The following ST3GAL5 variants were observed in gnomAD, a reference collection of about 807,000 sequenced individuals.
ST3GAL5 encodes the protein ST3 beta-galactoside alpha-2,3-sialyltransferase 5.
A neutral mutation model predicts 46.1 loss-of-function variants in ST3GAL5; 25 were observed. That is an observed-to-expected ratio of 0.54 (90% CI 0.40 to 0.76). The LOEUF (loss-of-function observed/expected upper bound fraction) is 0.76. ST3GAL5 is among the 30% of genes least tolerant of loss of function. The probability of loss-of-function intolerance (pLI) is 0.00; values close to 1 mark genes in which losing one functional copy is unlikely to be tolerated. For missense variants in ST3GAL5, 431 were observed against 521.2 expected (o/e 0.83, Z 1.69); for synonymous variants, 182 against 192.7 (o/e 0.94, Z 0.46).
chr2:85,867,001 ACT>A (rs1289524992), intron 1 of ST3GAL5, among the ~76,000 whole-genome samples: 1 of 152,156 alleles, frequency 6.6e-6, no homozygotes, highest in African/African-American at 2.4e-5. Context: ...TAAAGCATAA[ACT>A]CTATTGAAAC....
intron 1 of ST3GAL5, chr2:85,870,219 G>T (rs750687295): frequency 4.2e-6 from 2 of 470,994 alleles, no homozygotes; most frequent in Non-Finnish European, 8.8e-6. Flanking sequence ...TTCCATGCAA[G>T]CAGGGGTCTC....
At chr2:85,864,937 C>G (rs552679196) in intron 1 of ST3GAL5, among the ~76,000 whole-genome samples, 69 of 152,322 alleles carry the variant, frequency 4.5e-4, no homozygotes, top group Middle Eastern at 6.8e-3. Context: ...CATACTCTGG[C>G]TTCTCCTGTA....
At chr2:85,848,905 C>T (rs1683140828) in intron 3 of ST3GAL5, 1 of 155,894 alleles carries the variant, frequency 6.4e-6, no homozygotes, top group Non-Finnish European at 1.4e-5. Flanking sequence ...GGATGACAAA[C>T]AGGCTTATTT....
intron 3 of ST3GAL5, chr2:85,848,516 G>A (rs1683099771): frequency 1.2e-6 from 1 of 816,160 alleles, no homozygotes; most frequent in African/African-American, 1.8e-5. Context: ...AATGTACTTC[G>A]GGGTGTCTAA....
rs1357642115 is a variant in ST3GAL5 at position 85,837,551 on chromosome 2, T to C, written c.*2593A>G. On this transcript the variant is annotated 3_prime_UTR_variant, in exon 7 of 7. Transcript: ENST00000638572. The stretch of plus-strand genomic sequence containing the variant: ...ATGCCTATAGTTTACAATAATTTAC[T>C]GTGTATTTCAAAATCACTAGAATAA... The C allele has an allele frequency of 1.3e-5, 2 of 152,226 alleles. No individual in the cohort carries two copies. Among genetic ancestry groups the C allele is most frequent in the Non-Finnish European group, 2.9e-5 (2 of 68,032 alleles). 9.4% of individuals were successfully genotyped at this position (152,226 alleles called of 1,614,324 possible).
In ST3GAL5 at chr2:85,863,354, G is replaced by A; in HGVS notation, c.206+8C>T. 1 of 1,614,026 alleles carries A rather than the reference G, an allele frequency of 6.2e-7. No homozygotes were observed. Among genetic ancestry groups the A allele is most frequent in the Non-Finnish European group, 8.5e-7 (1 of 1,180,016 alleles). ...AGGGGGATCTACAGTCCCAGGGGCG[G>A]TACTTACTTGAGGATGTCTTTTAAT... On this transcript the variant is annotated splice_region_variant and intron_variant, in intron 2 of 6. Transcript: ENST00000638572.
intron 6 of ST3GAL5, among the ~76,000 whole-genome samples, chr2:85,840,942 CAAAAAA>C (rs1272089535): frequency 4.1e-5 from 1 of 24,184 alleles, no homozygotes; most frequent in Admixed American, 4.8e-4. Context: ...GACTCTGTCT[CAAAAAA>C]AAAAAAAAAA....
chr2:85,886,551 A>G (rs1374673665), intron 1 of ST3GAL5, among the ~76,000 whole-genome samples: 1 of 152,128 alleles, frequency 6.6e-6, no homozygotes, highest in African/African-American at 2.4e-5. Flanking sequence ...TTAAAAAAAA[A>G]AGAGGAAAAA....
intron 1 of ST3GAL5, among the ~76,000 whole-genome samples, chr2:85,883,477 A>C (rs1687413017): frequency 6.6e-6 from 1 of 152,216 alleles, no homozygotes; most frequent in Non-Finnish European, 1.5e-5. Context: ...TCTCTTTATC[A>C]GCAGTGTGAA....
chr2:85,840,189 C>T lies in ST3GAL5; in HGVS notation c.1212G>A (p.Glu404=), dbSNP rs148195895. 9.6e-4 allele frequency: 1,543 copies of T among 1,614,104 alleles called. No individual in the cohort carries two copies. Among genetic ancestry groups the T allele is most frequent in the Non-Finnish European group, 1.2e-3 (1,449 of 1,180,048 alleles). Reference sequence around the variant, plus strand: ...CTCCACTGAGATCTTTCACCACTCCCTCTTTGACCAGCTTTAAGAGGAACT... The same window carrying T: ...CTCCACTGAGATCTTTCACCACTCCTTCTTTGACCAGCTTTAAGAGGAACT... The part of the protein sequence containing the change: ...ETKFLLKLVK[E]GVVKDLSGGI... Residue 404 remains glutamate (E), a synonymous_variant, in exon 7 of 7, where the codon GAG becomes GAA. Coordinates refer to ENST00000638572, the MANE Select transcript of ST3GAL5 (RefSeq NM_003896.4).
intron 2 of ST3GAL5, among the ~76,000 whole-genome samples, chr2:85,862,357 G>C (rs565368144): frequency 2.0e-4 from 30 of 152,138 alleles, no homozygotes; most frequent in South Asian, 1.2e-3. Context: ...GGGTAAATGG[G>C]GAGCAGGGAT....
chr2:85,885,272 C>T (rs1244084189), intron 1 of ST3GAL5, among the ~76,000 whole-genome samples: 1 of 152,148 alleles, frequency 6.6e-6, no homozygotes, highest in African/African-American at 2.4e-5. Flanking sequence ...GAGTTGAGAC[C>T]AAGCCAGGCA....
chr2:85,864,583 C>A (rs1370170078), intron 1 of ST3GAL5, among the ~76,000 whole-genome samples: 13 of 125,786 alleles, frequency 1.0e-4, no homozygotes, highest in Non-Finnish European at 1.3e-4. Flanking sequence ...AGTGTTACAT[C>A]AAAAAAAAAA....
At chr2:85,871,804 G>A (rs1235181738) in intron 1 of ST3GAL5, among the ~76,000 whole-genome samples, 1 of 152,154 alleles carries the variant, frequency 6.6e-6, no homozygotes, top group African/African-American at 2.4e-5. Context: ...ATGTCGGGAG[G>A]GGGCTGCTTT....
intron 5 of ST3GAL5, chr2:85,845,031 G>A (rs1682613982): frequency 4.5e-6 from 1 of 223,768 alleles, no homozygotes; most frequent in Admixed American, 5.2e-5. Context: ...GACTGATATA[G>A]AATCAGCTTT....
Position 85,840,055 on chromosome 2 carries a change from G to T in ST3GAL5, c.*89C>A. The stretch of plus-strand genomic sequence containing the variant: ...TTAAAAACATGAGCTGCACTTCAAA[G>T]TATCTGCAGGATGGAGAAATACATC... On this transcript the variant is annotated 3_prime_UTR_variant, in exon 7 of 7. Transcript: ENST00000638572. 6.3e-7 allele frequency: 1 copy of T among 1,591,244 alleles called. No individual in the cohort carries two copies. The highest frequency in any genetic ancestry group is 1.3e-5 in the African/African-American group (1 of 74,586).
chr2:85,870,672 C>T (rs1406641383), intron 1 of ST3GAL5, among the ~76,000 whole-genome samples: 4 of 151,654 alleles, frequency 2.6e-5, no homozygotes, highest in Non-Finnish European at 5.9e-5. Context: ...GATAAATAAT[C>T]GTACACTTTT....
At chr2:85,854,537 T>C (rs1342667289) in intron 3 of ST3GAL5, 2 of 152,226 alleles carry the variant, frequency 1.3e-5, no homozygotes, top group Non-Finnish European at 2.9e-5. Flanking sequence ...TACCAGTGGA[T>C]GTTTAGGTTG....
At chr2:85,847,690 G>T (rs1380304553) in intron 4 of ST3GAL5, 171 bp downstream of exon 4, 3 of 1,305,690 alleles carry the variant, frequency 2.3e-6, no homozygotes, top group Non-Finnish European at 3.0e-6. Context: ...AGCTACTGGG[G>T]AGGCTGTGGT....
Sources: allele counts gnomAD v4.1 joint callset (sites outside exome capture counted in the v4.1 genomes callset), GRCh38; gene constraint gnomAD v4.1.1; transcripts MANE v1.5; gene names NCBI Gene and HGNC (gene_info 2026-07-23, HGNC 2026-07-21).